The following TBCD variants were observed in gnomAD, a reference collection of about 807,000 sequenced individuals.
TBCD encodes the protein tubulin folding cofactor D, also known as tubulin-specific chaperone D.
A neutral mutation model predicts 169.3 loss-of-function variants in TBCD; 105 were observed. That is an observed-to-expected ratio of 0.62 (90% CI 0.53 to 0.73). The LOEUF (loss-of-function observed/expected upper bound fraction) is 0.73, where lower values mean the gene tolerates loss of function less well. Among genes scored for constraint, TBCD ranks in the 30% least tolerant of loss-of-function variants. TBCD has a pLI of 0.00. For synonymous variants in TBCD, 700 were observed against 643.9 expected, an observed-to-expected ratio of 1.09 and a Z score of -1.32; for missense variants, 1,444 against 1,600.1, an observed-to-expected ratio of 0.90 and a Z score of 1.66.
At chr17:82,902,962 T>A (rs1476472865) in intron 18 of TBCD, among the ~76,000 whole-genome samples, 1 of 152,170 alleles carries the variant, frequency 6.6e-6, no homozygotes, top group Non-Finnish European at 1.5e-5. Flanking sequence ...TGTTCAACCA[T>A]GGGTGCTTTC....
At chr17:82,938,506 G>C (rs1212723455) in intron 36 of TBCD, among the ~76,000 whole-genome samples, 1 of 152,054 alleles carries the variant, frequency 6.6e-6, no homozygotes, top group Non-Finnish European at 1.5e-5. Flanking sequence ...CTTTTCTCCT[G>C]GCTGCAAAAA....
At chr17:82,812,323 C>T (rs1193452821) in intron 12 of TBCD, among the ~76,000 whole-genome samples, 5 of 152,222 alleles carry the variant, frequency 3.3e-5, no homozygotes, top group African/African-American at 1.2e-4. Context: ...CTCCCCCTCG[C>T]CCGCCGCCCC....
chr17:82,843,598 GTCCAGCTTA>G lies in TBCD; in HGVS notation c.1319-26625_1319-26617del, dbSNP rs1217963098. 7.0e-5 allele frequency among the ~76,000 whole-genome samples: 6 copies of G among 86,204 alleles called. 1 individual carries two copies. The highest frequency in any genetic ancestry group is 4.3e-4 in the Admixed American group (3 of 6,956). 56.6% of individuals were successfully genotyped at this position (86,204 alleles called of 152,430 possible). A position where few individuals can be genotyped will look rare whatever the true frequency, so the allele number is the denominator to read the frequency against. On this transcript the variant is annotated intron_variant, in intron 13 of 38. Coordinates refer to ENST00000355528, the MANE Select transcript of TBCD (RefSeq NM_005993.5). ...TACTTACCCTTCCCTTCCCCTCCCC[GTCCAGCTTA>G]CTTACCCTTCCCTTCCCCTCCCCAT...
chr17:82,875,436 C>T (rs994067781), intron 14 of TBCD, among the ~76,000 whole-genome samples: 10 of 152,216 alleles, frequency 6.6e-5, no homozygotes, highest in Admixed American at 2.0e-4. Context: ...CCGAGCCCTA[C>T]GCTGCTGCTG....
At chr17:82,883,179 C>G (rs1032259959) in intron 14 of TBCD, among the ~76,000 whole-genome samples, 7 of 152,266 alleles carry the variant, frequency 4.6e-5, no homozygotes, top group African/African-American at 1.7e-4. Context: ...CTGTCAACTT[C>G]CCTGGAACAA....
rs1003016750 is a variant in TBCD, at chr17:82,752,247, C to T, written c.54C>T (p.Asp18=). 3.9e-6 allele frequency: 6 copies of T among 1,525,722 alleles called. No homozygotes were observed. The highest frequency in any genetic ancestry group is 2.9e-5 in the African/African-American group (2 of 69,884). 94.5% of individuals were successfully genotyped at this position (1,525,722 alleles called of 1,614,324 possible). A position where few individuals can be genotyped will look rare whatever the true frequency, so the allele number is the denominator to read the frequency against. The change falls in exon 1 of 39, where the codon GAC becomes GAT. Residue 18 remains aspartate, a synonymous_variant. Transcript: ENST00000355528. ...GCGGCCCCGAGGAGGAGGCGGAGGA[C>T]GAGACACTGGCCTTTGGCGCGGCGC... The part of the protein sequence containing the change: ...AAGGPEEEAE[D]ETLAFGAALE...
At position 82,927,296 on chromosome 17, in the gene TBCD, C is replaced by G. The variant is rs370658754; in HGVS notation, c.2582C>G (p.Thr861Arg). 1.9e-6 allele frequency: 3 copies of G among 1,613,974 alleles called. No homozygotes were observed. In the East Asian group the frequency reaches 6.7e-5, roughly 36 times the overall value. The change falls in exon 29 of 39, where the codon ACG becomes AGG. Residue 861 changes from threonine (T) to arginine (R), a missense_variant. Physicochemically the swap from Thr to Arg is moderately conservative, Grantham distance 71. Coordinates refer to ENST00000355528, the MANE Select transcript of TBCD (RefSeq NM_005993.5). ...ALLGCMDDYT[T>R]DSRGDVGTWV... ...CTGGGCTGCATGGACGACTACACCA[C>G]GGACAGCAGAGGGGACGTGGGCACC... is the stretch of plus-strand genomic sequence containing the variant.
intron 15 of TBCD, among the ~76,000 whole-genome samples, chr17:82,887,164 T>TGCGCGCGC (rs1555632294): frequency 2.2e-3 from 230 of 104,516 alleles, no homozygotes; most frequent in African/African-American, 9.8e-3. Context: ...TGTGTGTGTG[T>TGCGCGCGC]GTGTGCGCGC....
chr17:82,804,509 C>G (rs2050809273), intron 9 of TBCD, among the ~76,000 whole-genome samples: 1 of 152,210 alleles, frequency 6.6e-6, no homozygotes, highest in Non-Finnish European at 1.5e-5. Flanking sequence ...AAGGCGCCGG[C>G]CTGGCCACTG....
chr17:82,797,795 G>T lies in TBCD; in HGVS notation c.810G>T (p.Leu270Phe). The T allele has an allele frequency of 1.3e-6, 2 of 1,565,830 alleles. No homozygotes were observed. The highest frequency in any genetic ancestry group is 1.7e-6 in the Non-Finnish European group (2 of 1,162,324). ...AACATGGAAAACGTGAAGACTGTTT[G>T]CCCTATGGTAAGGTTTATTTTTAAG... Reference protein sequence around the residue: ...IFKHGKREDCLPYAATVLRCL... With the variant: ...IFKHGKREDCFPYAATVLRCL... The change falls in exon 8 of 39, where the codon TTG (leucine) becomes TTT (phenylalanine). Residue 270 changes from leucine to phenylalanine, a missense_variant. Coordinates refer to ENST00000355528, the MANE Select transcript of TBCD (RefSeq NM_005993.5).
At chr17:82,801,575 G>A (rs991281179) in intron 9 of TBCD, among the ~76,000 whole-genome samples, 8 of 144,130 alleles carry the variant, frequency 5.6e-5, no homozygotes, top group East Asian at 2.1e-4. Context: ...CGTGTGCGTC[G>A]TGTGGCTCGG....
chr17:82,928,024 G>A (rs1382010008), intron 30 of TBCD, 36 bp downstream of exon 30: 4 of 1,591,060 alleles, frequency 2.5e-6, no homozygotes, highest in African/African-American at 2.7e-5. Context: ...GCATCCTAGA[G>A]GGCAGCCCCG....
Position 82,926,473 on chromosome 17 carries a change from G to C in TBCD, c.2453G>C (p.Gly818Ala). ...AGTTTTGCTGAGTCCAGGAGAGACG[G>C]CTTGAAGGCCATTGCGAGGTGAGTC... is the stretch of plus-strand genomic sequence containing the variant. ...DVSFAESRRD[G>A]LKAIARICQT... The change falls in exon 28 of 39, where the codon GGC becomes GCC. Residue 818 changes from glycine to alanine, a missense_variant. Gly to Ala is a moderately conservative substitution (Grantham distance 60). Coordinates refer to ENST00000355528, the MANE Select transcript of TBCD (RefSeq NM_005993.5). 2 of 1,613,942 alleles carry C rather than the reference G, an allele frequency of 1.2e-6. No homozygotes were observed. The highest frequency in any genetic ancestry group is 3.3e-4 in the Middle Eastern group (2 of 6,060).
chr17:82,758,384 G>GAAAAAAAAAAAAAAAAAAAAAAA (rs71168146), intron 2 of TBCD, among the ~76,000 whole-genome samples: 13 of 24,978 alleles, frequency 5.2e-4, no homozygotes, highest in Non-Finnish European at 6.9e-4. Flanking sequence ...AAACGTCTCG[G>GAAAAAAAAAAAAAAAAAAAAAAA]AAAAAAAAAA....
chr17:82,850,048 C>CTGCTGTTGGCTGTGT (rs2055569257), intron 13 of TBCD, among the ~76,000 whole-genome samples: 1 of 71,110 alleles, frequency 1.4e-5, no homozygotes. Context: ...GTTGGCTGTG[C>CTGCTGTTGGCTGTGT]TGTTGTTGGC....
At chr17:82,838,599 T>C (rs2054187821) in intron 13 of TBCD, 1 of 971,078 alleles carries the variant, frequency 1.0e-6, no homozygotes, top group African/African-American at 1.8e-5. Context: ...GCCTACCCAC[T>C]GTGATGTCGC....
intron 14 of TBCD, among the ~76,000 whole-genome samples, chr17:82,883,269 G>A (rs1199919474): frequency 1.3e-5 from 2 of 152,258 alleles, no homozygotes; most frequent in South Asian, 2.1e-4. Context: ...GCTTATCTCC[G>A]CGTGTCTGAA....
At chr17:82,910,108 T>C (rs2060523418) in intron 22 of TBCD, among the ~76,000 whole-genome samples, 1 of 152,270 alleles carries the variant, frequency 6.6e-6, no homozygotes, top group African/African-American at 2.4e-5. Flanking sequence ...GAAGCTGCTG[T>C]GCACATCTAG....
At chr17:82,940,217 G>GCACACACA (rs576338657) in intron 37 of TBCD, among the ~76,000 whole-genome samples, 53 of 101,452 alleles carry the variant, frequency 5.2e-4, no homozygotes, top group Middle Eastern at 9.7e-3. Flanking sequence ...TCACTTGCAC[G>GCACACACA]CGCGCACACA....
Sources: allele counts gnomAD v4.1 joint callset (sites outside exome capture counted in the v4.1 genomes callset), GRCh38; gene constraint gnomAD v4.1.1; transcripts MANE v1.5; gene names NCBI Gene and HGNC (gene_info 2026-07-23, HGNC 2026-07-21).